SDC4: variants seen among roughly 807,000 people sequenced by gnomAD.
SDC4 encodes syndecan-4.
SDC4 carries 17 observed loss-of-function variants against 20.5 expected under a neutral mutation model. That is an observed-to-expected ratio of 0.83 (90% CI 0.57 to 1.25). SDC4 has a LOEUF of 1.25. Ranked by LOEUF, SDC4 falls within the 50% of genes most tolerant of loss-of-function variation. The pLI is 0.00. For missense variants in SDC4, 241 were observed against 252.3 expected, an observed-to-expected ratio of 0.96 and a Z score of 0.30; for synonymous variants, 107 against 105.3, an observed-to-expected ratio of 1.02 and a Z score of -0.10.
intron 1 of SDC4, among the ~76,000 whole-genome samples, chr20:45,338,484 C>A (rs900652168): frequency 2.0e-5 from 3 of 152,164 alleles, no homozygotes; most frequent in Non-Finnish European, 4.4e-5. Context: ...GGCTGAGAGA[C>A]CTTTTCCCAC....
chr20:45,333,047 G>T lies in SDC4; in HGVS notation c.222C>A (p.Ile74=), dbSNP rs746850379. ...GDLDDLEDSM[I]GPEVVHPLVP... ...CCAAGGGATGGACAACTTCAGGGCCGATCATGGAGTCTTCCAAGTCATCTG... is the reference window on the plus strand; with the variant it reads ...CCAAGGGATGGACAACTTCAGGGCCTATCATGGAGTCTTCCAAGTCATCTG... The change falls in exon 3 of 5, where the codon ATC becomes ATA. Residue 74 remains isoleucine (I), a synonymous_variant. Coordinates refer to ENST00000372733, the MANE Select transcript of SDC4 (RefSeq NM_002999.4). 8 of 1,614,184 alleles carry T rather than the reference G, an allele frequency of 5.0e-6. No individual in the cohort carries two copies. In the South Asian group the frequency reaches 5.5e-5, roughly 11 times the overall value.
At chr20:45,334,120 G>A (rs531413826) in intron 2 of SDC4, among the ~76,000 whole-genome samples, 32 of 150,832 alleles carry the variant, frequency 2.1e-4, no homozygotes, top group Non-Finnish European at 4.0e-4. Context: ...TCAGCCCCCC[G>A]AGTAGCTGGG....
At chr20:45,334,054 G>C (rs1987823457) in intron 2 of SDC4, among the ~76,000 whole-genome samples, 1 of 151,418 alleles carries the variant, frequency 6.6e-6, no homozygotes, top group South Asian at 2.1e-4. Context: ...GAGTACCGTG[G>C]TGCCATCTCG....
intron 1 of SDC4, among the ~76,000 whole-genome samples, chr20:45,344,390 A>C (rs899499449): frequency 2.0e-5 from 3 of 152,192 alleles, no homozygotes; most frequent in African/African-American, 7.2e-5. Context: ...CTATTAGCCA[A>C]GAGTTTGAAA....
rs1271355117 is a variant in SDC4, at chr20:45,327,194, A to G, written c.*70T>C. 5.8e-6 allele frequency: 9 copies of G among 1,562,348 alleles called. No individual in the cohort carries two copies. The Admixed American group carries it at 1.5e-4, about 26-fold the overall frequency. On this transcript the variant is annotated 3_prime_UTR_variant, in exon 5 of 5. Transcript: ENST00000372733. ...TATTAGGTTGACCTCACCCTACCCT[A>G]ATGTCCACCCTTCAAAATCCCCTGG...
chr20:45,330,302 G>C (rs1987756117), intron 4 of SDC4, 64 bp downstream of exon 4: 1 of 1,463,910 alleles, frequency 6.8e-7, no homozygotes, highest in East Asian at 2.3e-5. Flanking sequence ...CTGCCTGCAG[G>C]TGCTCTCCCC....
chr20:45,342,214 T>C (rs1987962672), intron 1 of SDC4, among the ~76,000 whole-genome samples: 1 of 152,176 alleles, frequency 6.6e-6, no homozygotes, highest in Non-Finnish European at 1.5e-5. Flanking sequence ...TCTCAGCTGA[T>C]TAGATCAGCC....
intron 2 of SDC4, 79 bp downstream of exon 2, chr20:45,335,703 G>T (rs1004714148): frequency 8.8e-6 from 13 of 1,479,964 alleles, no homozygotes; most frequent in Admixed American, 7.5e-5. Context: ...AAGTCTCAAG[G>T]CATGGTCACC....
intron 1 of SDC4, among the ~76,000 whole-genome samples, chr20:45,339,843 A>T (rs1455894871): frequency 6.6e-6 from 1 of 152,122 alleles, no homozygotes. Flanking sequence ...GAGATACTAC[A>T]TTCTTCCCCA....
At chr20:45,344,505 C>G (rs1247635816) in intron 1 of SDC4, among the ~76,000 whole-genome samples, 1 of 152,242 alleles carries the variant, frequency 6.6e-6, no homozygotes, top group Non-Finnish European at 1.5e-5. Flanking sequence ...TCACACTCGC[C>G]TGTCCAGTCC....
intron 1 of SDC4, among the ~76,000 whole-genome samples, chr20:45,348,046 A>C (rs940292909): frequency 1.3e-5 from 2 of 152,084 alleles, no homozygotes; most frequent in African/African-American, 4.8e-5. Context: ...AAGAGTTGAC[A>C]CCGGCTTAGT....
intron 1 of SDC4, chr20:45,345,151 C>T (rs1468079978): frequency 1.3e-5 from 2 of 152,182 alleles, no homozygotes; most frequent in African/African-American, 2.4e-5. Flanking sequence ...TTCATACAAG[C>T]ATTTCCTGAG....
Position 45,327,395 on chromosome 20 carries a change from C to A in SDC4, c.466G>T (p.Val156Leu). 1 of 1,613,896 alleles carries A rather than the reference C, an allele frequency of 6.2e-7. No homozygotes were observed. ...VLAALIVGGI[V>L]GILFAVFLIL... The stretch of plus-strand genomic sequence containing the variant: ...AGGAAGACGGCAAAGAGGATGCCCA[C>A]GATGCCACCCACAATCAGAGCTGGA... The change falls in exon 5 of 5, where the codon GTG becomes TTG. Residue 156 changes from valine (V) to leucine (L), a missense_variant. Val to Leu is a conservative substitution (Grantham distance 32). Coordinates refer to ENST00000372733, the MANE Select transcript of SDC4 (RefSeq NM_002999.4).
At chr20:45,337,688 C>T (rs1987893189) in intron 1 of SDC4, among the ~76,000 whole-genome samples, 1 of 152,230 alleles carries the variant, frequency 6.6e-6, no homozygotes, top group Non-Finnish European at 1.5e-5. Flanking sequence ...AGAGCCACTC[C>T]TGTACTCTCC....
chr20:45,335,652 G>A, intron 2 of SDC4, 130 bp downstream of exon 2: 1 of 937,058 alleles, frequency 1.1e-6, no homozygotes, highest in Non-Finnish European at 1.6e-6. Flanking sequence ...CTTTTTTTGA[G>A]AAGGAAGAAG....
At chr20:45,346,709 C>T (rs1988037248) in intron 1 of SDC4, among the ~76,000 whole-genome samples, 1 of 152,228 alleles carries the variant, frequency 6.6e-6, no homozygotes, top group African/African-American at 2.4e-5. Context: ...CTTGGGTCCT[C>T]AGCCACTAAC....
chr20:45,339,255 G>C (rs974874051), intron 1 of SDC4, among the ~76,000 whole-genome samples: 1 of 152,200 alleles, frequency 6.6e-6, no homozygotes, highest in Admixed American at 6.5e-5. Context: ...GAAGAACCAG[G>C]CCACCCAGCA....
chr20:45,325,292 G>C lies in SDC4; in HGVS notation c.*1972C>G, dbSNP rs1343736681. ...GAAAATGACAGAGGCAAGCAGTTTA[G>C]AAAGTACCAGGTTTTATTATCTTTT... On this transcript the variant is annotated 3_prime_UTR_variant, in exon 5 of 5. Coordinates refer to ENST00000372733, the MANE Select transcript of SDC4 (RefSeq NM_002999.4). The C allele has an allele frequency of 2.0e-5, 3 of 152,662 alleles. No individual in the cohort carries two copies. The highest frequency in any genetic ancestry group is 7.2e-5 in the African/African-American group (3 of 41,448). The allele number at this position is 152,662 out of a possible 1,614,324, so 9.5% of individuals were successfully genotyped here.
chr20:45,347,719 C>T (rs2853911), intron 1 of SDC4, among the ~76,000 whole-genome samples: 1 of 152,216 alleles, frequency 6.6e-6, no homozygotes, highest in African/African-American at 2.4e-5. Flanking sequence ...GCAGTGTCCC[C>T]TCTTGCCCCA....
Sources: gnomAD v4.1 joint callset for allele counts (sites outside exome capture counted in the v4.1 genomes callset) on GRCh38, gnomAD v4.1.1 for gene constraint, MANE v1.5 for transcripts, NCBI Gene and HGNC (gene_info 2026-07-23, HGNC 2026-07-21) for gene names.